IQCM: variants seen among roughly 807,000 people sequenced by gnomAD.
IQCM encodes the protein IQ domain-containing protein M.
In IQCM, 45 loss-of-function variants were observed where a neutral mutation model predicts 57.6. That is an observed-to-expected ratio of 0.78 (90% CI 0.62 to 1.00). The LOEUF (loss-of-function observed/expected upper bound fraction) is 1.00. IQCM is among the 50% of genes least tolerant of loss of function. IQCM has a pLI of 0.00. For synonymous variants in IQCM, 148 were observed against 158.9 expected, an observed-to-expected ratio of 0.93 and a Z score of 0.51; for missense variants, 468 against 511.6, an observed-to-expected ratio of 0.91 and a Z score of 0.82.
intron 13 of IQCM, among the ~76,000 whole-genome samples, chr4:149,371,127 T>A (rs1243234975): frequency 6.6e-6 from 1 of 152,102 alleles, no homozygotes; most frequent in Admixed American, 6.6e-5. Flanking sequence ...TCAAACAGGG[T>A]CTACATCTAT....
chr4:149,621,037 A>G (rs1027643856), intron 8 of IQCM, 92 bp downstream of exon 8: 10 of 489,944 alleles, frequency 2.0e-5, no homozygotes, highest in African/African-American at 2.0e-4. Flanking sequence ...ACAGGTCCAT[A>G]GTAAAATCTC....
intron 13 of IQCM, among the ~76,000 whole-genome samples, chr4:149,379,056 T>A (rs1730892407): frequency 6.6e-6 from 1 of 152,154 alleles, no homozygotes; most frequent in African/African-American, 2.4e-5. Context: ...GCAGCTTCCA[T>A]GTGGTGTTGA....
At chr4:149,492,477 C>T (rs1373254023) in intron 12 of IQCM, among the ~76,000 whole-genome samples, 4 of 152,100 alleles carry the variant, frequency 2.6e-5, no homozygotes, top group African/African-American at 9.7e-5. Flanking sequence ...TACTAACCTA[C>T]ACAAGTCTTC....
intron 12 of IQCM, among the ~76,000 whole-genome samples, chr4:149,530,882 GA>G (rs1386068945): frequency 7.3e-6 from 1 of 136,130 alleles, no homozygotes; most frequent in African/African-American, 2.8e-5. Flanking sequence ...TCCAGGTAGA[GA>G]AATAGAGAGG....
intron 13 of IQCM, among the ~76,000 whole-genome samples, chr4:149,389,054 C>A (rs934606566): frequency 6.6e-6 from 1 of 151,456 alleles, no homozygotes; most frequent in Non-Finnish European, 1.5e-5. Context: ...GTCAAGAAAC[C>A]ATTGCCTCAT....
intron 5 of IQCM, among the ~76,000 whole-genome samples, chr4:149,695,564 C>T (rs1049248851): frequency 6.6e-6 from 1 of 152,040 alleles, no homozygotes; most frequent in Non-Finnish European, 1.5e-5. Context: ...AAGAAACAGA[C>T]AGCAATGAAA....
At chr4:149,646,001 CCTGTGGATTGGCTCAGG>C (rs1332174618) in intron 7 of IQCM, among the ~76,000 whole-genome samples, 2 of 152,118 alleles carry the variant, frequency 1.3e-5, no homozygotes, top group Non-Finnish European at 2.9e-5. Context: ...TTATACAGTG[CCTGTGGATTGGCTCAGG>C]CACACAGTGA....
At chr4:149,419,149 T>C (rs752965254) in intron 13 of IQCM, among the ~76,000 whole-genome samples, 1 of 152,076 alleles carries the variant, frequency 6.6e-6, no homozygotes, top group Non-Finnish European at 1.5e-5. Flanking sequence ...ATTTTAAAAT[T>C]CATATGGAAC....
Position 149,798,394 on chromosome 4 carries a change from C to T in IQCM, c.-49+16917G>A, listed in dbSNP as rs553910317. ...ACTAAATTGTGTCACCAGAGAAAAT[C>T]ACCTTCACTAAAGAAAGACAAGAAG... On this transcript the variant is annotated intron_variant, in intron 2 of 13. Transcript: ENST00000636793. Among the ~76,000 whole-genome samples, 16 of 151,958 alleles carry T rather than the reference C, an allele frequency of 1.1e-4. 1 individual carries two copies. The South Asian group carries it at 3.3e-3, about 32-fold the overall frequency.
intron 12 of IQCM, among the ~76,000 whole-genome samples, chr4:149,509,893 A>T (rs1355281310): frequency 6.6e-6 from 1 of 152,030 alleles, no homozygotes; most frequent in South Asian, 2.1e-4. Flanking sequence ...CATCATTCTC[A>T]TATTAATAAC....
At position 149,588,193 on chromosome 4, in the gene IQCM, G is replaced by A. The variant is rs141703608; in HGVS notation, c.682-196C>T. Among the ~76,000 whole-genome samples, 21 of 151,726 alleles carry A rather than the reference G, an allele frequency of 1.4e-4. No homozygotes were observed. In the East Asian group the frequency reaches 3.9e-3, roughly 28 times the overall value. Reference sequence around the variant, plus strand: ...GTTGAACCTCCTTCAGAACCTTTTAGCACCTAGGAATACAGTTCCTACTAG... The same window carrying A: ...GTTGAACCTCCTTCAGAACCTTTTAACACCTAGGAATACAGTTCCTACTAG... On this transcript the variant is annotated intron_variant, in intron 8 of 13. Transcript: ENST00000636793.
chr4:149,392,138 T>TTC (rs1553959348), intron 13 of IQCM, among the ~76,000 whole-genome samples: 2 of 148,320 alleles, frequency 1.3e-5, no homozygotes, highest in African/African-American at 2.4e-5. Flanking sequence ...TTTTTTTTTT[T>TTC]CACATAGTTT....
At chr4:149,744,012 C>T (rs1767697166) in intron 2 of IQCM, among the ~76,000 whole-genome samples, 1 of 152,150 alleles carries the variant, frequency 6.6e-6, no homozygotes, top group African/African-American at 2.4e-5. Flanking sequence ...AATTCAAAAC[C>T]TATTAAATAA....
At chr4:149,609,636 A>G (rs2150050096) in intron 8 of IQCM, among the ~76,000 whole-genome samples, 1 of 152,062 alleles carries the variant, frequency 6.6e-6, no homozygotes, top group Non-Finnish European at 1.5e-5. Flanking sequence ...GACAAAAATC[A>G]TATGATTGTT....
intron 4 of IQCM, among the ~76,000 whole-genome samples, chr4:149,734,698 G>A (rs1349235887): frequency 1.3e-5 from 2 of 152,032 alleles, no homozygotes; most frequent in Non-Finnish European, 2.9e-5. Context: ...AGGCCCAACG[G>A]TCACAATAGT....
intron 7 of IQCM, among the ~76,000 whole-genome samples, chr4:149,648,787 T>A (rs933914407): frequency 1.3e-5 from 2 of 151,992 alleles, no homozygotes; most frequent in Non-Finnish European, 2.9e-5. Flanking sequence ...TTAGCAGATA[T>A]ACCTAATGTA....
At chr4:149,658,364 T>A (rs989843493) in intron 7 of IQCM, among the ~76,000 whole-genome samples, 1 of 152,050 alleles carries the variant, frequency 6.6e-6, no homozygotes, top group African/African-American at 2.4e-5. Context: ...GGTCTATGTG[T>A]TTGGTTTTTA....
intron 12 of IQCM, among the ~76,000 whole-genome samples, chr4:149,481,713 T>TGTTTTTTG (rs1560896112): frequency 1.2e-4 from 17 of 138,140 alleles, no homozygotes; most frequent in South Asian, 4.7e-4. Context: ...TTTTTTTTTT[T>TGTTTTTTG]TTTTTTTTTG....
intron 12 of IQCM, among the ~76,000 whole-genome samples, chr4:149,449,534 A>C (rs931714036): frequency 2.0e-5 from 3 of 150,846 alleles, no homozygotes; most frequent in Non-Finnish European, 4.4e-5. Flanking sequence ...CAAAGCTAAC[A>C]CATAAAAAAT....
Sources: allele counts gnomAD v4.1 joint callset (sites outside exome capture counted in the v4.1 genomes callset), GRCh38; gene constraint gnomAD v4.1.1; transcripts MANE v1.5; gene names NCBI Gene and HGNC (gene_info 2026-07-23, HGNC 2026-07-21).